CCDC141: variants seen among roughly 807,000 people sequenced by gnomAD.
The protein encoded by CCDC141 is coiled-coil domain containing 141, also known as coiled-coil domain-containing protein 141.
In CCDC141, 168 loss-of-function variants were observed where a neutral mutation model predicts 181.0. The observed-to-expected ratio is 0.93, with a 90% CI of 0.82 to 1.05. CCDC141 has a LOEUF of 1.05. Ranked by LOEUF, CCDC141 falls within the 50% of genes least tolerant of loss-of-function variation. The pLI, the probability that CCDC141 is intolerant of heterozygous loss-of-function variation, is 0.00. For synonymous variants in CCDC141, 666 were observed against 642.3 expected (o/e 1.04, Z -0.56); for missense variants, 1,902 against 1,788.5 (o/e 1.06, Z -1.14).
chr2:179,013,258 T>A (rs562085635), intron 2 of CCDC141, among the ~76,000 whole-genome samples: 1 of 152,274 alleles, frequency 6.6e-6, no homozygotes, highest in African/African-American at 2.4e-5. Flanking sequence ...GATAAAAGAA[T>A]GCAGCAAAGT....
intron 10 of CCDC141, among the ~76,000 whole-genome samples, chr2:178,886,072 G>A (rs1294964979): frequency 6.6e-6 from 1 of 152,174 alleles, no homozygotes; most frequent in Admixed American, 6.5e-5. Context: ...AAATGGGTGT[G>A]TTTGTGAGTT....
At chr2:178,861,517 T>A (rs935888020) in intron 17 of CCDC141, among the ~76,000 whole-genome samples, 4 of 149,982 alleles carry the variant, frequency 2.7e-5, no homozygotes, top group Non-Finnish European at 5.9e-5. Context: ...ATGCCTGTAA[T>A]CACAACTACT....
chr2:178,961,777 T>C (rs1329311148), intron 4 of CCDC141, among the ~76,000 whole-genome samples: 1 of 152,212 alleles, frequency 6.6e-6, no homozygotes, highest in African/African-American at 2.4e-5. Context: ...GATTTTGACA[T>C]TGCTGCAGTT....
At chr2:179,023,669 A>G (rs929723371) in intron 2 of CCDC141, among the ~76,000 whole-genome samples, 1 of 152,184 alleles carries the variant, frequency 6.6e-6, no homozygotes, top group Admixed American at 6.5e-5. Context: ...ATGTGCACCA[A>G]CACAATCTCT....
Position 178,834,547 on chromosome 2 carries a change from T to C in CCDC141, c.4326-107A>G, listed in dbSNP as rs111937956. 2.5e-4 allele frequency: 302 copies of C among 1,211,538 alleles called. 2 individuals are homozygous for C. In the African/African-American group the frequency reaches 3.9e-3, roughly 16 times the overall value. 75.0% of individuals were successfully genotyped at this position (1,211,538 alleles called of 1,614,324 possible). A position where few individuals can be genotyped will look rare whatever the true frequency, so the allele number is the denominator to read the frequency against. On this transcript the variant is annotated intron_variant, in intron 23 of 23. Coordinates refer to ENST00000443758, the MANE Select transcript of CCDC141 (RefSeq NM_173648.4). ...GCCCATTACCACTGCAATATTCTCT[T>C]AGGATTAGTAGGAACCTTGTAGCCA...
At chr2:179,040,363 C>A (rs143184404) in intron 2 of CCDC141, among the ~76,000 whole-genome samples, 114 of 152,306 alleles carry the variant, frequency 7.5e-4, no homozygotes, top group African/African-American at 2.6e-3. Context: ...AACCCCTCTT[C>A]TTTCTTTTAT....
At chr2:178,992,369 A>G (rs956915569) in intron 2 of CCDC141, among the ~76,000 whole-genome samples, 18 of 108,744 alleles carry the variant, frequency 1.7e-4, no homozygotes, top group African/African-American at 6.0e-4. Flanking sequence ...AAATAGACCT[A>G]TTCTTAAAGG....
chr2:178,906,795 G>C (rs1348901843), intron 7 of CCDC141, among the ~76,000 whole-genome samples: 1 of 152,080 alleles, frequency 6.6e-6, no homozygotes, highest in Non-Finnish European at 1.5e-5. Context: ...GAGACCAGGC[G>C]AGCAAGGTTG....
the CCDC141 span, among the ~76,000 whole-genome samples, chr2:178,821,519 C>G: frequency 6.6e-6 from 1 of 152,086 alleles, no homozygotes; most frequent in African/African-American, 2.4e-5. Context: ...GAGAGCTAGA[C>G]GCACATTTAG....
chr2:178,874,400 G>A (rs1392302459), intron 12 of CCDC141: 1 of 152,160 alleles, frequency 6.6e-6, no homozygotes, highest in Non-Finnish European at 1.5e-5. Flanking sequence ...CTATTTCTGG[G>A]AGATCTAAGT....
At chr2:178,895,862 G>C (rs534737785) in intron 8 of CCDC141, among the ~76,000 whole-genome samples, 109 of 152,312 alleles carry the variant, frequency 7.2e-4, no homozygotes, top group African/African-American at 2.6e-3. Context: ...CAAAGGAAAT[G>C]TGTTTGTCTT....
At chr2:178,982,482 C>G (rs1691464147) in intron 2 of CCDC141, among the ~76,000 whole-genome samples, 2 of 152,198 alleles carry the variant, frequency 1.3e-5, no homozygotes, top group South Asian at 2.1e-4. Flanking sequence ...CGAACAGGAA[C>G]AGCTCTGGTC....
chr2:178,873,531 A>G (rs997843916), intron 12 of CCDC141: 2 of 152,206 alleles, frequency 1.3e-5, no homozygotes, highest in African/African-American at 4.8e-5. Context: ...AATTTAATAT[A>G]AATTTTGAAA....
intron 22 of CCDC141, among the ~76,000 whole-genome samples, chr2:178,843,961 C>T (rs909835102): frequency 9.2e-5 from 14 of 152,046 alleles, no homozygotes; most frequent in Admixed American, 2.0e-4. Flanking sequence ...TCACTTACAC[C>T]CAAAATGACT....
At chr2:178,997,067 A>G (rs1692320693) in intron 2 of CCDC141, among the ~76,000 whole-genome samples, 1 of 152,208 alleles carries the variant, frequency 6.6e-6, no homozygotes, top group Non-Finnish European at 1.5e-5. Context: ...AGGAGTGACC[A>G]GTTAAAGTGT....
chr2:178,984,761 G>A (rs1050156372), intron 2 of CCDC141, among the ~76,000 whole-genome samples: 167 of 151,506 alleles, frequency 1.1e-3, no homozygotes, highest in African/African-American at 4.0e-3. Flanking sequence ...AACAAGAAGA[G>A]CTAACTATCC....
chr2:179,039,890 T>C (rs1199675586), intron 2 of CCDC141, among the ~76,000 whole-genome samples: 2 of 152,208 alleles, frequency 1.3e-5, no homozygotes, highest in African/African-American at 4.8e-5. Context: ...ATTTTCATTA[T>C]TTTTAAAAGT....
At chr2:178,907,763 G>T (rs1462446336) in intron 7 of CCDC141, among the ~76,000 whole-genome samples, 1 of 152,164 alleles carries the variant, frequency 6.6e-6, no homozygotes, top group African/African-American at 2.4e-5. Flanking sequence ...GGAGGCCAAG[G>T]TGGGTGGATC....
chr2:179,016,613 T>C (rs991633840), intron 2 of CCDC141, among the ~76,000 whole-genome samples: 6 of 152,174 alleles, frequency 3.9e-5, no homozygotes, highest in Admixed American at 2.6e-4. Flanking sequence ...ACACAGAGTA[T>C]GCTTTTACTA....
Sources: allele counts gnomAD v4.1 joint callset (sites outside exome capture counted in the v4.1 genomes callset), GRCh38; gene constraint gnomAD v4.1.1; transcripts MANE v1.5; gene names NCBI Gene and HGNC (gene_info 2026-07-23, HGNC 2026-07-21).